Variants in PARD3 observed in about 807,000 individuals in gnomAD.
PARD3 encodes the protein par-3 family cell polarity regulator.
In PARD3, 75 loss-of-function variants were observed where a neutral mutation model predicts 155.4. The ratio of observed to expected loss-of-function variants is 0.48; its 90% confidence interval spans 0.40 to 0.58. The LOEUF (loss-of-function observed/expected upper bound fraction) is 0.58, where lower values mean the gene tolerates loss of function less well. Among genes scored for constraint, PARD3 ranks in the 20% least tolerant of loss-of-function variants. The pLI is 0.00. For synonymous variants in PARD3, 576 were observed against 610.5 expected (o/e 0.94, Z 0.83); for missense variants, 1,642 against 1,721.7 (o/e 0.95, Z 0.82).
chr10:34,631,839 C>T (rs142635830), intron 2 of PARD3, among the ~76,000 whole-genome samples: 309 of 152,324 alleles, frequency 2.0e-3, no homozygotes, highest in African/African-American at 6.7e-3. Flanking sequence ...CTCAAGTGAT[C>T]CACCTGCCTT....
At chr10:34,605,576 C>A (rs1347918654) in intron 2 of PARD3, among the ~76,000 whole-genome samples, 2 of 38,974 alleles carry the variant, frequency 5.1e-5, no homozygotes, top group Non-Finnish European at 8.0e-5. Context: ...ATATATATAT[C>A]TCCTATATAT....
intron 2 of PARD3, among the ~76,000 whole-genome samples, chr10:34,608,823 C>T (rs889767977): frequency 6.6e-6 from 1 of 152,016 alleles, no homozygotes; most frequent in African/African-American, 2.4e-5. Flanking sequence ...CATGAGCCAC[C>T]GCACCCAGCC....
At chr10:34,350,256 G>A (rs915578122) in intron 14 of PARD3, among the ~76,000 whole-genome samples, 1 of 152,192 alleles carries the variant, frequency 6.6e-6, no homozygotes, top group Non-Finnish European at 1.5e-5. Flanking sequence ...CTGAGGAAGA[G>A]AGGCAACCCC....
At chr10:34,785,855 T>C (rs1440775829) in intron 1 of PARD3, among the ~76,000 whole-genome samples, 1 of 152,198 alleles carries the variant, frequency 6.6e-6, no homozygotes, top group Non-Finnish European at 1.5e-5. Flanking sequence ...AAATTAATAC[T>C]ATACATTGCT....
At chr10:34,446,596 GTAA>G (rs1481623673) in intron 5 of PARD3, among the ~76,000 whole-genome samples, 2 of 152,176 alleles carry the variant, frequency 1.3e-5, no homozygotes, top group African/African-American at 4.8e-5. Context: ...TTATTTCAAA[GTAA>G]TAATAAGATA....
chr10:34,609,521 C>G (rs1054884091), intron 2 of PARD3, among the ~76,000 whole-genome samples: 1 of 152,092 alleles, frequency 6.6e-6, no homozygotes, highest in Admixed American at 6.5e-5. Flanking sequence ...AAGAAGAGAT[C>G]GAGGTCTTGA....
intron 18 of PARD3, among the ~76,000 whole-genome samples, chr10:34,334,777 C>T (rs980310707): frequency 6.6e-6 from 1 of 150,598 alleles, no homozygotes; most frequent in African/African-American, 2.4e-5. Flanking sequence ...GAATCTAGCA[C>T]AGTTTGATTT....
At chr10:34,160,947 A>C (rs776517669) in intron 22 of PARD3, among the ~76,000 whole-genome samples, 14 of 152,210 alleles carry the variant, frequency 9.2e-5, no homozygotes, top group Non-Finnish European at 2.1e-4. Flanking sequence ...ACTAGGAAGA[A>C]GTATTATAGT....
chr10:34,284,143 C>A lies in PARD3; in HGVS notation c.3168G>T (p.Glu1056Asp). The A allele has an allele frequency of 6.3e-7, 1 of 1,584,556 alleles. No individual in the cohort carries two copies. The highest frequency in any genetic ancestry group is 8.6e-7 in the Non-Finnish European group (1 of 1,158,648). ...AAGTAACTGAAGTCTACCTCTCCTG[C>A]TCCTGCTTCATTCGTATCCTCTCCT... The part of the protein sequence containing the change: ...SEEERIRMKQ[E>D]QERIQAKTRE... Residue 1056 changes from glutamate (E) to aspartate (D), a missense_variant, in exon 21 of 25, where the codon GAG becomes GAT. Glu to Asp is a conservative substitution (Grantham distance 45). Around this residue, in one of 3 missense-constraint regions of PARD3, gnomAD observed 1,529 missense variants for 1,587.3 expected, o/e 0.96. Transcript: ENST00000374788.
chr10:34,748,858 A>T (rs1307009915), intron 1 of PARD3, among the ~76,000 whole-genome samples: 2 of 152,176 alleles, frequency 1.3e-5, no homozygotes, highest in Non-Finnish European at 2.9e-5. Context: ...GACACATTAT[A>T]ACATTCGGGC....
chr10:34,548,945 G>A (rs186301709), intron 2 of PARD3, among the ~76,000 whole-genome samples: 164 of 152,280 alleles, frequency 1.1e-3, no homozygotes, highest in African/African-American at 3.6e-3. Flanking sequence ...CCTTACATCA[G>A]CCAGGTCCAA....
At chr10:34,633,755 CT>C (rs1677241906) in intron 2 of PARD3, among the ~76,000 whole-genome samples, 1 of 152,180 alleles carries the variant, frequency 6.6e-6, no homozygotes, top group African/African-American at 2.4e-5. Context: ...AACTTCCATG[CT>C]GTTTTCCATA....
chr10:34,329,378 T>C (rs1242274925), intron 19 of PARD3, among the ~76,000 whole-genome samples: 2 of 152,276 alleles, frequency 1.3e-5, no homozygotes, highest in East Asian at 3.9e-4. Flanking sequence ...GGCCAAAGCA[T>C]AGTAATTTTT....
intron 5 of PARD3, among the ~76,000 whole-genome samples, chr10:34,443,673 G>A (rs1315821581): frequency 2.6e-5 from 4 of 152,034 alleles, no homozygotes; most frequent in Non-Finnish European, 5.9e-5. Flanking sequence ...CCTCCCACCA[G>A]GACCCTCCCA....
intron 14 of PARD3, among the ~76,000 whole-genome samples, chr10:34,350,814 A>T (rs980931907): frequency 1.3e-5 from 2 of 152,188 alleles, no homozygotes; most frequent in African/African-American, 4.8e-5. Flanking sequence ...TCCCAAGGAA[A>T]GTCTTTCTAC....
chr10:34,211,015 G>A (rs1265913708), intron 22 of PARD3, among the ~76,000 whole-genome samples: 1 of 152,120 alleles, frequency 6.6e-6, no homozygotes, highest in Non-Finnish European at 1.5e-5. Flanking sequence ...CTGTGTCAAG[G>A]TCTTTGCATG....
chr10:34,286,115 T>C (rs187885864), intron 20 of PARD3, among the ~76,000 whole-genome samples: 5 of 152,310 alleles, frequency 3.3e-5, no homozygotes, highest in Admixed American at 3.3e-4. Context: ...ATATCAATAA[T>C]GCCTCAGAAT....
chr10:34,299,827 C>A (rs1459735841), intron 20 of PARD3, among the ~76,000 whole-genome samples: 1 of 152,070 alleles, frequency 6.6e-6, no homozygotes, highest in Non-Finnish European at 1.5e-5. Flanking sequence ...CTAACTATTA[C>A]CAAAATTACC....
At chr10:34,804,643 A>G (rs1843149760) in intron 1 of PARD3, among the ~76,000 whole-genome samples, 1 of 152,256 alleles carries the variant, frequency 6.6e-6, no homozygotes, top group East Asian at 1.9e-4. Context: ...CCTTTGTGGT[A>G]TAAGAAAATA....
Sources: gnomAD v4.1 joint callset for allele counts (sites outside exome capture counted in the v4.1 genomes callset) on GRCh38, gnomAD v4.1.1 for gene constraint, gnomAD v4.1.1 regional missense constraint, MANE v1.5 for transcripts, NCBI Gene and HGNC (gene_info 2026-07-23, HGNC 2026-07-21) for gene names.